The following FOXP2 variants were observed in gnomAD, a reference collection of about 807,000 sequenced individuals.
FOXP2 encodes forkhead box P2, also known as forkhead box protein P2.
FOXP2 carries 12 observed loss-of-function variants against 115.8 expected under a neutral mutation model. The observed-to-expected ratio is 0.10, with a 90% CI of 0.07 to 0.17. FOXP2 has a LOEUF of 0.17. Ranked by LOEUF, FOXP2 falls within the 10% of genes least tolerant of loss-of-function variation. The probability of loss-of-function intolerance (pLI) is 1.00; values close to 1 mark genes in which losing one functional copy is unlikely to be tolerated. For synonymous variants in FOXP2, 328 were observed against 297.7 expected (o/e 1.10, Z -1.05); for missense variants, 629 against 843.5 (o/e 0.75, Z 3.15).
intron 2 of FOXP2, among the ~76,000 whole-genome samples, chr7:114,317,196 T>C (rs1376605350): frequency 6.6e-6 from 1 of 152,182 alleles, no homozygotes; most frequent in Non-Finnish European, 1.5e-5. Flanking sequence ...GAGATTTCTG[T>C]GATTTTCCCA....
intron 2 of FOXP2, among the ~76,000 whole-genome samples, chr7:114,470,377 G>C (rs1044110848): frequency 2.0e-5 from 3 of 151,960 alleles, no homozygotes; most frequent in Non-Finnish European, 2.9e-5. Context: ...TCTTTTCAGA[G>C]CTTTATCATT....
chr7:114,391,825 A>T (rs543593358), intron 2 of FOXP2, among the ~76,000 whole-genome samples: 1 of 152,186 alleles, frequency 6.6e-6, no homozygotes, highest in East Asian at 1.9e-4. Flanking sequence ...TTCAGAATGT[A>T]TGAATGGGAT....
At chr7:114,300,756 G>GT (rs200059715) in intron 2 of FOXP2, among the ~76,000 whole-genome samples, 4 of 151,694 alleles carry the variant, frequency 2.6e-5, no homozygotes, top group African/African-American at 9.7e-5. Context: ...CACCTGGAAA[G>GT]TTTTTTTTCA....
intron 2 of FOXP2, among the ~76,000 whole-genome samples, chr7:114,394,651 C>T (rs755399575): frequency 2.6e-5 from 4 of 152,094 alleles, no homozygotes; most frequent in African/African-American, 4.8e-5. Flanking sequence ...ATGAGAAAAA[C>T]GAGCATCACC....
At chr7:114,171,437 G>A (rs1793137100) in intron 1 of FOXP2, among the ~76,000 whole-genome samples, 1 of 152,124 alleles carries the variant, frequency 6.6e-6, no homozygotes, top group Non-Finnish European at 1.5e-5. Context: ...GCTGGGCATG[G>A]TGTCATGTGC....
chr7:114,364,227 T>C (rs891612554), intron 2 of FOXP2, among the ~76,000 whole-genome samples: 2 of 152,182 alleles, frequency 1.3e-5, no homozygotes, highest in East Asian at 3.9e-4. Flanking sequence ...TTTATTTTAA[T>C]CAATGGCCAG....
chr7:114,242,062 G>A (rs1795169180), intron 1 of FOXP2, among the ~76,000 whole-genome samples: 1 of 149,554 alleles, frequency 6.7e-6, no homozygotes, highest in Admixed American at 6.8e-5. Flanking sequence ...GCTATGGAGT[G>A]GGGAAAATCT....
At chr7:114,533,272 C>A (rs1428462391) in intron 2 of FOXP2, among the ~76,000 whole-genome samples, 1 of 151,868 alleles carries the variant, frequency 6.6e-6, no homozygotes, top group Non-Finnish European at 1.5e-5. Context: ...GTCTGCCTGC[C>A]TTCTCAGAAA....
chr7:114,339,132 A>C (rs1172744535), intron 2 of FOXP2, among the ~76,000 whole-genome samples: 1 of 151,102 alleles, frequency 6.6e-6, no homozygotes, highest in Non-Finnish European at 1.5e-5. Flanking sequence ...TTTACTATCT[A>C]CTGTTGAGGT....
intron 3 of FOXP2, among the ~76,000 whole-genome samples, chr7:114,569,824 C>T (rs568513636): frequency 3.3e-5 from 5 of 152,020 alleles, no homozygotes; most frequent in Admixed American, 3.3e-4. Context: ...AACCTCTGAA[C>T]TTCATAGATG....
intron 1 of FOXP2, among the ~76,000 whole-genome samples, chr7:114,183,610 A>G (rs1034079895): frequency 2.6e-5 from 4 of 152,182 alleles, no homozygotes; most frequent in African/African-American, 9.7e-5. Flanking sequence ...AATGTAACTG[A>G]AAGTTCTCTG....
chr7:114,498,549 C>T (rs1037780014), intron 2 of FOXP2, among the ~76,000 whole-genome samples: 4 of 152,050 alleles, frequency 2.6e-5, no homozygotes, highest in Non-Finnish European at 5.9e-5. Context: ...GATTGAGGAA[C>T]AACACTGAAG....
At chr7:114,412,971 A>T (rs1411404507), upstream of FOXP2, among the ~76,000 whole-genome samples, 1 of 152,102 alleles carries the variant, frequency 6.6e-6, no homozygotes, top group Non-Finnish European at 1.5e-5. Flanking sequence ...AATATTTTTG[A>T]ATGTCAGAGG....
intron 16 of FOXP2, among the ~76,000 whole-genome samples, chr7:114,672,673 A>G (rs1043978160): frequency 1.3e-5 from 2 of 152,176 alleles, no homozygotes; most frequent in East Asian, 1.9e-4. Flanking sequence ...TCAACTCAGG[A>G]GAAAGCCAGA....
At chr7:114,576,775 A>G (rs914677589) in intron 3 of FOXP2, among the ~76,000 whole-genome samples, 1 of 151,970 alleles carries the variant, frequency 6.6e-6, no homozygotes, top group African/African-American at 2.4e-5. Context: ...CGTTTGCTCT[A>G]TAGTTTTTGC....
chr7:114,090,628 G>C (rs2129138967), intron 1 of FOXP2, among the ~76,000 whole-genome samples: 1 of 151,764 alleles, frequency 6.6e-6, no homozygotes, highest in South Asian at 2.1e-4. Flanking sequence ...ACATATTCCA[G>C]TGCTCATGGT....
rs537790580 is a variant in FOXP2, at chr7:114,273,613, C to T, written c.-101-14406C>T. 2.0e-5 allele frequency among the ~76,000 whole-genome samples: 3 copies of T among 152,176 alleles called. No homozygotes were observed. In the South Asian group the frequency reaches 6.2e-4, roughly 32 times the overall value. ...GCCAATTTATCAATTTCCACCCCCACATAGTTTCTTGCTCTGTTGTTAGGT... is the reference window on the plus strand; with the variant it reads ...GCCAATTTATCAATTTCCACCCCCATATAGTTTCTTGCTCTGTTGTTAGGT... On this transcript the variant is annotated intron_variant, in intron 1 of 17. Coordinates refer to the FOXP2 transcript ENST00000634411.
chr7:114,393,118 T>C (rs1439774528), intron 2 of FOXP2, among the ~76,000 whole-genome samples: 2 of 152,132 alleles, frequency 1.3e-5, no homozygotes, highest in East Asian at 3.8e-4. Context: ...GTACATAGAA[T>C]ATCAGGGTGA....
At chr7:114,634,187 G>C (rs907945001) in intron 6 of FOXP2, among the ~76,000 whole-genome samples, 1 of 151,928 alleles carries the variant, frequency 6.6e-6, no homozygotes, top group Non-Finnish European at 1.5e-5. Context: ...GTAGAGACAG[G>C]GTTTCACCAT....
Sources: gnomAD v4.1 joint callset for allele counts (sites outside exome capture counted in the v4.1 genomes callset) on GRCh38, gnomAD v4.1.1 for gene constraint, MANE v1.5 for transcripts, NCBI Gene and HGNC (gene_info 2026-07-23, HGNC 2026-07-21) for gene names.